The following ACTL8 variants were observed in gnomAD, a reference collection of about 807,000 sequenced individuals.
ACTL8 encodes actin-like protein 8.
Under a neutral mutation model 9.3 loss-of-function variants are expected in ACTL8, and 3 were observed. The observed-to-expected ratio is 0.32, with a 90% CI of 0.15 to 0.83. The LOEUF is 0.83. Among genes scored for constraint, ACTL8 ranks in the 40% least tolerant of loss-of-function variants. ACTL8 has a pLI of 0.57. For synonymous variants in ACTL8, 224 were observed against 205.9 expected, an observed-to-expected ratio of 1.09 and a Z score of -0.75; for missense variants, 381 against 492.2, an observed-to-expected ratio of 0.77 and a Z score of 2.14.
intron 1 of ACTL8, among the ~76,000 whole-genome samples, chr1:17,775,303 C>T (rs546250085): frequency 6.6e-6 from 1 of 152,312 alleles, no homozygotes; most frequent in South Asian, 2.1e-4. Context: ...GAGGCCACCC[C>T]ATCCCTCCCC....
At chr1:17,811,769 G>T (rs79778797) in intron 1 of ACTL8, among the ~76,000 whole-genome samples, 4,574 of 152,046 alleles carry the variant, frequency 0.03, 173 homozygotes, top group East Asian at 0.19. Context: ...CAATTGATTA[G>T]ATTTGTGTGA....
intron 1 of ACTL8, among the ~76,000 whole-genome samples, chr1:17,776,055 G>A (rs772195743): frequency 6.6e-6 from 1 of 152,326 alleles, no homozygotes; most frequent in East Asian, 1.9e-4. Context: ...AGGTCACATA[G>A]CCTGTAAATG....
intron 1 of ACTL8, among the ~76,000 whole-genome samples, chr1:17,760,775 C>T (rs970178901): frequency 5.3e-5 from 8 of 152,198 alleles, no homozygotes; most frequent in African/African-American, 1.7e-4. Context: ...GCCCAGCCCC[C>T]TGACAATCAC....
chr1:17,783,309 G>A (rs1389834994), intron 1 of ACTL8, among the ~76,000 whole-genome samples: 1 of 151,728 alleles, frequency 6.6e-6, no homozygotes, highest in East Asian at 1.9e-4. Context: ...TAATTCTCAT[G>A]AGATCTGATG....
chr1:17,814,995 A>G (rs1292204001), intron 1 of ACTL8, among the ~76,000 whole-genome samples: 1 of 152,162 alleles, frequency 6.6e-6, no homozygotes, highest in East Asian at 1.9e-4. Flanking sequence ...TATTCAGTAC[A>G]ATAACATGCT....
At chr1:17,815,155 G>A (rs531176490) in intron 1 of ACTL8, among the ~76,000 whole-genome samples, 18 of 152,300 alleles carry the variant, frequency 1.2e-4, no homozygotes, top group Middle Eastern at 3.4e-3. Context: ...ATACAACCTA[G>A]GTAAGTAGTA....
intron 1 of ACTL8, among the ~76,000 whole-genome samples, chr1:17,776,969 A>ATTTTTTTTTTT (rs765972298): frequency 2.0e-5 from 1 of 50,508 alleles, no homozygotes; most frequent in Non-Finnish European, 3.5e-5. Context: ...CTGGCTAATG[A>ATTTTTTTTTTT]TTTTTTTTTT....
At chr1:17,805,812 A>G (rs1353802034) in intron 1 of ACTL8, among the ~76,000 whole-genome samples, 1 of 152,214 alleles carries the variant, frequency 6.6e-6, no homozygotes, top group Admixed American at 6.5e-5. Flanking sequence ...TATGGTACAT[A>G]GAAGGTGCTC....
intron 2 of ACTL8, among the ~76,000 whole-genome samples, chr1:17,824,312 T>G (rs2053693499): frequency 6.6e-6 from 1 of 152,182 alleles, no homozygotes. Flanking sequence ...ATATGTTATG[T>G]AAGATAGAAA....
At chr1:17,809,962 T>C (rs781151551) in intron 1 of ACTL8, among the ~76,000 whole-genome samples, 15 of 152,232 alleles carry the variant, frequency 9.9e-5, no homozygotes, top group Non-Finnish European at 2.2e-4. Flanking sequence ...GGATCGCTGA[T>C]ACAGTGTCTA....
chr1:17,772,524 A>C (rs567528430), intron 1 of ACTL8, among the ~76,000 whole-genome samples: 82 of 152,284 alleles, frequency 5.4e-4, no homozygotes, highest in African/African-American at 2.0e-3. Flanking sequence ...ATTTGGGGGA[A>C]AGCTGACACC....
chr1:17,794,392 A>T (rs544288865), intron 1 of ACTL8, among the ~76,000 whole-genome samples: 1 of 152,284 alleles, frequency 6.6e-6, no homozygotes, highest in African/African-American at 2.4e-5. Context: ...TGTATACCAT[A>T]AGACTCATGA....
chr1:17,761,499 G>C (rs1053292923), intron 1 of ACTL8, among the ~76,000 whole-genome samples: 5 of 151,974 alleles, frequency 3.3e-5, no homozygotes, highest in African/African-American at 1.2e-4. Flanking sequence ...TCATAGCTTC[G>C]ACTTTAAAGT....
At chr1:17,802,537 G>A (rs539050801) in intron 1 of ACTL8, among the ~76,000 whole-genome samples, 1 of 152,184 alleles carries the variant, frequency 6.6e-6, no homozygotes, top group South Asian at 2.1e-4. Context: ...AGTTACTACC[G>A]CGGGTAAGGA....
At chr1:17,792,768 C>G (rs555481095) in intron 1 of ACTL8, among the ~76,000 whole-genome samples, 2 of 152,282 alleles carry the variant, frequency 1.3e-5, no homozygotes, top group East Asian at 3.9e-4. Flanking sequence ...GACTTTAGGG[C>G]TCACTAAGAA....
intron 1 of ACTL8, among the ~76,000 whole-genome samples, chr1:17,814,703 C>A (rs896560469): frequency 6.8e-6 from 1 of 147,180 alleles, no homozygotes. Flanking sequence ...TAGAATAACA[C>A]GCAGTACCAG....
At chr1:17,773,134 A>G (rs1426482283) in intron 1 of ACTL8, among the ~76,000 whole-genome samples, 1 of 152,240 alleles carries the variant, frequency 6.6e-6, no homozygotes, top group African/African-American at 2.4e-5. Flanking sequence ...TTGCTGGAAT[A>G]TTATTTACGT....
intron 1 of ACTL8, among the ~76,000 whole-genome samples, chr1:17,810,688 G>T (rs139975555): frequency 6.6e-6 from 1 of 152,080 alleles, no homozygotes; most frequent in African/African-American, 2.4e-5. Context: ...TCTTCTCACC[G>T]CCCCAGAAAC....
chr1:17,814,762 A>G (rs1001034670), intron 1 of ACTL8, among the ~76,000 whole-genome samples: 1 of 151,986 alleles, frequency 6.6e-6, no homozygotes, highest in African/African-American at 2.4e-5. Context: ...AAGACAATAC[A>G]TACCATTATG....
Sources: allele counts gnomAD v4.1 joint callset (sites outside exome capture counted in the v4.1 genomes callset), GRCh38; gene constraint gnomAD v4.1.1; transcripts MANE v1.5; gene names NCBI Gene and HGNC (gene_info 2026-07-23, HGNC 2026-07-21).